CNTROB: variants seen among roughly 807,000 people sequenced by gnomAD.
The protein encoded by CNTROB is centrobin.
In CNTROB, 82 loss-of-function variants were observed where a neutral mutation model predicts 115.7. The ratio of observed to expected loss-of-function variants is 0.71; its 90% CI spans 0.59 to 0.85. CNTROB has a LOEUF of 0.85. Ranked by LOEUF, CNTROB falls within the 40% of genes least tolerant of loss-of-function variation. CNTROB has a pLI of 0.00. For synonymous variants in CNTROB, 439 were observed against 456.4 expected (o/e 0.96, Z 0.49); for missense variants, 1,014 against 1,144.4 (o/e 0.89, Z 1.64).
rs12601767 is a variant in CNTROB, at chr17:7,943,097, A to G, written c.1312-294A>G. Among the ~76,000 whole-genome samples the G allele has an allele frequency of 0.62, 94,396 of 151,836 alleles. 31,085 individuals are homozygous for G. The highest frequency in any genetic ancestry group is 0.95 in the East Asian group (4,903 of 5,146). On this transcript the variant is annotated intron_variant, in intron 9 of 18. Transcript: ENST00000563694. This position sits in a 1 kb window ranked among gnomAD's most constrained non-coding sequence, Gnocchi z 4.7. The stretch of plus-strand genomic sequence containing the variant: ...ATTACAGGCGTGAGCCACCGCGCCC[A>G]GCCTCAGGGTATGTTATATCAGACA...
Position 7,944,351 on chromosome 17 carries a change from C to T in CNTROB, c.1571+103C>T. On this transcript the variant is annotated intron_variant, in intron 11 of 18. Transcript: ENST00000563694. This position sits in a 1 kb window ranked among gnomAD's most constrained non-coding sequence, Gnocchi z 4.0. ...GCTGCTCCCTTGATTGATCTGTCCTCCTCTACATGGGCCCCAGCTCCTTTC... is the reference window on the plus strand; with the variant it reads ...GCTGCTCCCTTGATTGATCTGTCCTTCTCTACATGGGCCCCAGCTCCTTTC... 3 of 1,550,146 alleles carry T rather than the reference C, an allele frequency of 1.9e-6. 1 individual carries two copies. Among genetic ancestry groups the T allele is most frequent in the South Asian group, 1.1e-5 (1 of 89,078 alleles).
Position 7,932,240 on chromosome 17 carries a change from T to G in CNTROB, c.-840T>G. On this transcript the variant is annotated 5_prime_UTR_variant, in exon 1 of 19. Coordinates refer to ENST00000563694, the MANE Select transcript of CNTROB (RefSeq NM_053051.5). ...GGGAGGCTGCCAACGGTTTTGAGCGTAGGGGGAGGCGTGAGAGGGGGATCT... is the reference window on the plus strand; with the variant it reads ...GGGAGGCTGCCAACGGTTTTGAGCGGAGGGGGAGGCGTGAGAGGGGGATCT... The G allele has an allele frequency of 1.4e-5, 3 of 209,356 alleles. No homozygotes were observed. Among genetic ancestry groups the G allele is most frequent in the Non-Finnish European group, 2.0e-5 (2 of 102,262 alleles). The allele number at this position is 209,356 out of a possible 1,614,324, so 13.0% of individuals were successfully genotyped here.
At position 7,944,823 on chromosome 17, in the gene CNTROB, A is replaced by G. The variant is rs1281619826; in HGVS notation, c.1734+185A>G. 6.6e-6 allele frequency among the ~76,000 whole-genome samples: 1 copy of G among 152,166 alleles called. No homozygotes were observed. Among genetic ancestry groups the G allele is most frequent in the Admixed American group, 6.5e-5 (1 of 15,268 alleles). Reference sequence around the variant, plus strand: ...CTCCCAAAGTGCTGGGATTCCAGGCATAAGCTACCATGCCCAGCAAGAACT... The same window carrying G: ...CTCCCAAAGTGCTGGGATTCCAGGCGTAAGCTACCATGCCCAGCAAGAACT... On this transcript the variant is annotated intron_variant, in intron 12 of 18. Coordinates refer to ENST00000563694, the MANE Select transcript of CNTROB (RefSeq NM_053051.5). The surrounding 1 kb of genome is among the most constrained non-coding windows in gnomAD (Gnocchi z 4.0).
Position 7,943,470 on chromosome 17 carries a change from C to T in CNTROB, c.1391C>T (p.Ala464Val), listed in dbSNP as rs779623846. ...GAGCAGCGGGTGACAGAGCGGCTGG[C>T]GCAGGCTCAGGAGAGCAGCCTACGG... is the stretch of plus-strand genomic sequence containing the variant. ...QLEQRVTERL[A>V]QAQESSLRQA... The change falls in exon 10 of 19, where the codon GCG (alanine) becomes GTG (valine). Residue 464 changes from alanine to valine, a missense_variant. By Grantham distance (64) the Ala-to-Val change is moderately conservative. Transcript: ENST00000563694. The surrounding 1 kb of genome is among the most constrained non-coding windows in gnomAD (Gnocchi z 4.7). The T allele has an allele frequency of 4.3e-6, 7 of 1,612,354 alleles. No homozygotes were observed. The African/African-American group carries it at 8.0e-5, about 18-fold the overall frequency.
At position 7,936,396 on chromosome 17, in the gene CNTROB, AC is replaced by A. The variant is rs1291964863; in HGVS notation, c.628del (p.Arg210GlufsTer3). 6.5e-7 allele frequency: 1 copy of A among 1,543,826 alleles called. No individual in the cohort carries two copies. Among genetic ancestry groups the A allele is most frequent in the Admixed American group, 1.7e-5 (1 of 59,914 alleles). ...HCERHIQSLQ[T>X]RVLELQQQLA... The stretch of plus-strand genomic sequence containing the variant: ...TGAGCGCCATATTCAGAGCCTGCAG[AC>A]CCGAGTGTTAGAGCTACAGCAACAA... On this transcript the variant is annotated frameshift_variant, in exon 5 of 19. Transcript: ENST00000563694. LOFTEE classifies it high-confidence loss of function.
intron 2 of CNTROB, 21 bp downstream of exon 2, chr17:7,934,243 G>T: frequency 6.2e-7 from 1 of 1,605,602 alleles, no homozygotes; most frequent in Non-Finnish European, 8.5e-7. Flanking sequence ...CCCTTCCCTA[G>T]AACTATGAAG....
At position 7,949,511 on chromosome 17, in the gene CNTROB, G is replaced by GC. The variant is rs1974977921; in HGVS notation, c.*7dup. The stretch of plus-strand genomic sequence containing the variant: ...GAGCCGGGGGGGAGTCTGGAGATGA[G>GC]CCCCCCTACCCTCTCTCCTCTTTGT... On this transcript the variant is annotated 3_prime_UTR_variant, in exon 19 of 19. Coordinates refer to ENST00000563694, the MANE Select transcript of CNTROB (RefSeq NM_053051.5). The GC allele has an allele frequency of 1.9e-6, 3 of 1,610,244 alleles. No homozygotes were observed. Among genetic ancestry groups the GC allele is most frequent in the Non-Finnish European group, 1.7e-6 (2 of 1,178,148 alleles).
chr17:7,935,225 C>T (rs1167860885), intron 4 of CNTROB, 80 bp downstream of exon 4: 66 of 1,597,460 alleles, frequency 4.1e-5, no homozygotes, highest in Non-Finnish European at 4.8e-5. Flanking sequence ...CTGAGGGGGC[C>T]TGGCGTGGTG....
chr17:7,944,552 G>T lies in CNTROB; in HGVS notation c.1648G>T (p.Val550Leu), dbSNP rs749943708. 8 of 1,614,124 alleles carry T rather than the reference G, an allele frequency of 5.0e-6. No individual in the cohort carries two copies. The East Asian group carries it at 1.6e-4, about 31-fold the overall frequency. The change falls in exon 12 of 19, where the codon GTG becomes TTG. Residue 550 changes from valine (V) to leucine (L), a missense_variant. Val to Leu is a conservative substitution (Grantham distance 32). Transcript: ENST00000563694. The surrounding 1 kb of genome is among the most constrained non-coding windows in gnomAD (Gnocchi z 4.0). ...GCTGGAGGAGCAGCGGGTGGAGCTGGTGGAAAGACTGCAGGCCATGCTGCA... is the reference window on the plus strand; with the variant it reads ...GCTGGAGGAGCAGCGGGTGGAGCTGTTGGAAAGACTGCAGGCCATGCTGCA... ...QQLEEQRVEL[V>L]ERLQAMLQAH...
At position 7,937,273 on chromosome 17, in the gene CNTROB, T is replaced by C. The variant is rs1973297031; in HGVS notation, c.927+11T>C. 3 of 1,613,886 alleles carry C rather than the reference T, an allele frequency of 1.9e-6. No homozygotes were observed. Among genetic ancestry groups the C allele is most frequent in the South Asian group, 1.1e-5 (1 of 91,076 alleles). On this transcript the variant is annotated intron_variant, in intron 7 of 18. Transcript: ENST00000563694. Reference sequence around the variant, plus strand: ...GAAAGAGAGACACTGGTGAGAAGATTGGACTGGGTTAATTCCACTGGAAGC... The same window carrying C: ...GAAAGAGAGACACTGGTGAGAAGATCGGACTGGGTTAATTCCACTGGAAGC...
chr17:7,938,442 C>T (rs1366529405), intron 7 of CNTROB, among the ~76,000 whole-genome samples: 1 of 152,204 alleles, frequency 6.6e-6, no homozygotes, highest in African/African-American at 2.4e-5. Context: ...CAGGCTATAT[C>T]TGACAGTCCT....
chr17:7,937,006 A>G (rs924045456), intron 6 of CNTROB, among the ~76,000 whole-genome samples, 158 bp from the exon 7 acceptor site: 7 of 152,160 alleles, frequency 4.6e-5, no homozygotes, highest in South Asian at 4.1e-4. Flanking sequence ...TGAATCATCA[A>G]TGTCTTAATT....
intron 12 of CNTROB, 80 bp from the exon 13 acceptor site, chr17:7,945,647 CT>C (rs1974442334): frequency 2.9e-5 from 41 of 1,424,178 alleles, no homozygotes; most frequent in Non-Finnish European, 3.7e-5. Flanking sequence ...AATTTATAAT[CT>C]TATTAAAGTG....
chr17:7,945,563 C>A, intron 12 of CNTROB, 165 bp from the exon 13 acceptor site: 2 of 700,838 alleles, frequency 2.9e-6, no homozygotes, highest in Non-Finnish European at 2.3e-6. Flanking sequence ...TGTTGCCAAG[C>A]CTGGTTCAAA....
At position 7,932,321 on chromosome 17, in the gene CNTROB, T is replaced by G; in HGVS notation, c.-759T>G. 5.6e-6 allele frequency: 1 copy of G among 178,560 alleles called. No individual in the cohort carries two copies. Among genetic ancestry groups the G allele is most frequent in the Admixed American group, 5.7e-5 (1 of 17,438 alleles). 11.1% of individuals were successfully genotyped at this position (178,560 alleles called of 1,614,324 possible). A position where few individuals can be genotyped will look rare whatever the true frequency, so the allele number is the denominator to read the frequency against. ...CTTTGGCAAATTGGGGACTGAGGAC[T>G]GGAAGGGTGGAGAGTAGGCGGAACC... On this transcript the variant is annotated 5_prime_UTR_variant, in exon 1 of 19. Coordinates refer to ENST00000563694, the MANE Select transcript of CNTROB (RefSeq NM_053051.5).
intron 7 of CNTROB, 49 bp downstream of exon 7, chr17:7,937,311 C>T: frequency 2.5e-6 from 4 of 1,606,928 alleles, no homozygotes; most frequent in Non-Finnish European, 3.4e-6. Context: ...TTAATTACTT[C>T]TAGAGAGCTG....
At chr17:7,949,236 T>C in intron 18 of CNTROB, 79 bp downstream of exon 18, 1 of 1,565,616 alleles carries the variant, frequency 6.4e-7, no homozygotes, top group Non-Finnish European at 8.8e-7. Flanking sequence ...CACTCCTGGC[T>C]GGCCCCTCCA....
chr17:7,948,245 G>A lies in CNTROB; in HGVS notation c.2298G>A (p.Met766Ile), dbSNP rs1311103783. The change falls in exon 16 of 19, where the codon ATG becomes ATA. Residue 766 changes from methionine to isoleucine, a missense_variant. By Grantham distance (10) the Met-to-Ile change is conservative (BLOSUM62 1). Coordinates refer to ENST00000563694, the MANE Select transcript of CNTROB (RefSeq NM_053051.5). This position sits in a 1 kb window ranked among gnomAD's most constrained non-coding sequence, Gnocchi z 4.4. ...ACAAAACCAAAGTTCCCTTAGCCAT[G>A]GCATCCAGTCTTTTCCGGGTCCCTG... ...PVHKTKVPLA[M>I]ASSLFRVPEP... The A allele has an allele frequency of 1.9e-6, 3 of 1,614,118 alleles. No individual in the cohort carries two copies. Among genetic ancestry groups the A allele is most frequent in the Non-Finnish European group, 2.5e-6 (3 of 1,180,012 alleles).
In CNTROB at chr17:7,932,868, G is replaced by A. The variant is rs922172151; in HGVS notation, c.-212G>A. 3 of 585,166 alleles carry A rather than the reference G, an allele frequency of 5.1e-6. No homozygotes were observed. The highest frequency in any genetic ancestry group is 9.0e-6 in the Non-Finnish European group (3 of 332,318). 36.2% of individuals were successfully genotyped at this position (585,166 alleles called of 1,614,324 possible). ...ACGCTGTTCCCAGGAGCTGGGGAAA[G>A]GGATGCTTTTGCCCACTCCCATGGC... On this transcript the variant is annotated 5_prime_UTR_variant, in exon 1 of 19. Coordinates refer to ENST00000563694, the MANE Select transcript of CNTROB (RefSeq NM_053051.5).
Sources: gnomAD v4.1 joint callset for allele counts (sites outside exome capture counted in the v4.1 genomes callset) on GRCh38, gnomAD v4.1.1 for gene constraint, Gnocchi (gnomAD v3.1) non-coding constraint, MANE v1.5 for transcripts, NCBI Gene and HGNC (gene_info 2026-07-23, HGNC 2026-07-21) for gene names.